Variants in TRPC6 observed in about 807,000 individuals in gnomAD.
The protein encoded by TRPC6 is transient receptor potential cation channel subfamily C member 6.
A neutral mutation model predicts 90.7 loss-of-function variants in TRPC6; 55 were observed. The ratio of observed to expected loss-of-function variants is 0.61; its 90% CI spans 0.49 to 0.76. The LOEUF (loss-of-function observed/expected upper bound fraction) is 0.76. Ranked by LOEUF, TRPC6 falls within the 30% of genes least tolerant of loss-of-function variation. TRPC6 has a pLI of 0.00. For missense variants in TRPC6, 989 were observed against 1,122.7 expected (o/e 0.88, Z 1.70); for synonymous variants, 393 against 393.0 (o/e 1.00, Z 0.00).
intron 10 of TRPC6, among the ~76,000 whole-genome samples, chr11:101,459,961 T>C (rs1858968001): frequency 6.6e-6 from 1 of 152,198 alleles, no homozygotes; most frequent in African/African-American, 2.4e-5. Flanking sequence ...ATTATTTCTG[T>C]TTTATAGATG....
intron 10 of TRPC6, among the ~76,000 whole-genome samples, chr11:101,467,555 C>T (rs1425257129): frequency 6.6e-6 from 1 of 152,190 alleles, no homozygotes; most frequent in Non-Finnish European, 1.5e-5. Context: ...AAGTACAACA[C>T]ACACAGGCAT....
intron 2 of TRPC6, among the ~76,000 whole-genome samples, chr11:101,496,341 T>C (rs770377873): frequency 1.8e-4 from 27 of 152,152 alleles, no homozygotes; most frequent in Non-Finnish European, 3.4e-4. Flanking sequence ...TGGGACCAAG[T>C]GTAACTCTGG....
intron 1 of TRPC6, among the ~76,000 whole-genome samples, chr11:101,563,596 T>C (rs1861763511): frequency 6.6e-6 from 1 of 152,176 alleles, no homozygotes; most frequent in Non-Finnish European, 1.5e-5. Flanking sequence ...GCCTAATAGG[T>C]ACTCACCATA....
chr11:101,558,234 T>TGTATACATGTATACATGTATAC (rs1861612121), intron 1 of TRPC6, among the ~76,000 whole-genome samples: 3 of 79,054 alleles, frequency 3.8e-5, no homozygotes, highest in Non-Finnish European at 5.4e-5. Flanking sequence ...TACATGTATA[T>TGTATACATGTATACATGTATAC]GGGTATACAT....
chr11:101,518,831 T>A (rs1035756650), intron 1 of TRPC6, among the ~76,000 whole-genome samples: 1 of 152,182 alleles, frequency 6.6e-6, no homozygotes, highest in African/African-American at 2.4e-5. Context: ...AATGTGGTAC[T>A]TATACGCAAT....
rs547108236 is a variant in TRPC6 at position 101,551,360 on chromosome 11, G to A, written c.170+31974C>T. Among the ~76,000 whole-genome samples, 8 of 151,994 alleles carry A rather than the reference G, an allele frequency of 5.3e-5. No homozygotes were observed. In the South Asian group the frequency reaches 1.5e-3, roughly 28 times the overall value. The stretch of plus-strand genomic sequence containing the variant: ...TGGCCAATCTGGAGTGACAATCTTA[G>A]TAACAAAATATTTTTATAAACTGTT... On this transcript the variant is annotated intron_variant, in intron 1 of 12. Transcript: ENST00000344327.
At chr11:101,530,073 C>G (rs867654425) in intron 1 of TRPC6, among the ~76,000 whole-genome samples, 1 of 152,146 alleles carries the variant, frequency 6.6e-6, no homozygotes, top group Admixed American at 6.5e-5. Flanking sequence ...CTGAAGTACC[C>G]CTGTAACTCA....
At chr11:101,510,186 C>A (rs10750606) in intron 1 of TRPC6, among the ~76,000 whole-genome samples, 74,474 of 151,922 alleles carry the variant, frequency 0.49, 18,676 homozygotes, top group African/African-American at 0.55. Context: ...GTGTTGCTTA[C>A]TCCCTGCCTC....
chr11:101,529,438 G>T (rs1330966219), intron 1 of TRPC6, among the ~76,000 whole-genome samples: 1 of 152,222 alleles, frequency 6.6e-6, no homozygotes, highest in African/African-American at 2.4e-5. Flanking sequence ...GCACGAGCGT[G>T]CACTGAGTGA....
rs77835679 is a variant in TRPC6 at position 101,524,599 on chromosome 11, G to A, written c.171-19801C>T. Among the ~76,000 whole-genome samples the A allele has an allele frequency of 7.0e-3, 1,068 of 152,262 alleles. 19 individuals carry two copies. Among genetic ancestry groups the A allele is most frequent in the African/African-American group, 0.024 (998 of 41,548 alleles). On this transcript the variant is annotated intron_variant, in intron 1 of 12. Coordinates refer to ENST00000344327, the MANE Select transcript of TRPC6 (RefSeq NM_004621.6). ...TTTAAATCACAAATGTAATTCTACCGTTAAATATAATTCTACCATGCTGCA... is the reference window on the plus strand; with the variant it reads ...TTTAAATCACAAATGTAATTCTACCATTAAATATAATTCTACCATGCTGCA...
chr11:101,521,718 T>C (rs1860664979), intron 1 of TRPC6, among the ~76,000 whole-genome samples: 1 of 152,222 alleles, frequency 6.6e-6, no homozygotes, highest in Non-Finnish European at 1.5e-5. Flanking sequence ...TGCTGAGCCA[T>C]AGGGGCAAAG....
At chr11:101,527,858 G>A (rs1381782332) in intron 1 of TRPC6, among the ~76,000 whole-genome samples, 1 of 152,060 alleles carries the variant, frequency 6.6e-6, no homozygotes, top group Non-Finnish European at 1.5e-5. Flanking sequence ...CGAATCATGA[G>A]GTCAGGAGTT....
chr11:101,527,701 A>C (rs1860809219), intron 1 of TRPC6, among the ~76,000 whole-genome samples: 1 of 152,206 alleles, frequency 6.6e-6, no homozygotes, highest in South Asian at 2.1e-4. Context: ...TAAAGCAACT[A>C]AATAATTGAT....
intron 1 of TRPC6, 64 bp downstream of exon 1, chr11:101,583,270 T>C: frequency 1.3e-6 from 2 of 1,522,146 alleles, no homozygotes; most frequent in South Asian, 1.2e-5. Context: ...CGGCCACTCC[T>C]GCGAGCGCAC....
intron 1 of TRPC6, among the ~76,000 whole-genome samples, chr11:101,535,865 A>G (rs751769902): frequency 1.6e-4 from 25 of 152,258 alleles, no homozygotes; most frequent in Non-Finnish European, 3.2e-4. Context: ...AATAAAATAG[A>G]TGACATCATG....
At chr11:101,522,326 CCTT>C (rs1860681274) in intron 1 of TRPC6, among the ~76,000 whole-genome samples, 1 of 152,308 alleles carries the variant, frequency 6.6e-6, no homozygotes, top group East Asian at 1.9e-4. Flanking sequence ...CTCTCTTCCT[CCTT>C]CTCTGGTCAT....
intron 1 of TRPC6, among the ~76,000 whole-genome samples, chr11:101,572,482 A>G (rs896303697): frequency 2.0e-5 from 3 of 152,202 alleles, no homozygotes; most frequent in African/African-American, 7.2e-5. Flanking sequence ...TAGAAATACC[A>G]TTTGACCCAG....
rs1324291969 is a variant in TRPC6 at position 101,499,962 on chromosome 11, T to C, written c.945+4062A>G. Among the ~76,000 whole-genome samples the C allele has an allele frequency of 1.9e-5, 2 of 102,686 alleles. 1 individual carries two copies. Among genetic ancestry groups the C allele is most frequent in the Non-Finnish European group, 4.0e-5 (2 of 50,406 alleles). The allele number at this position is 102,686 out of a possible 152,430, so 67.4% of individuals were successfully genotyped here. On this transcript the variant is annotated intron_variant, in intron 2 of 12. Transcript: ENST00000344327. ...ACACAGTATAAAATGTGTATATATA[T>C]ACACAGTATAAAATGTGTATATATG...
intron 1 of TRPC6, among the ~76,000 whole-genome samples, chr11:101,567,091 T>C (rs559101333): frequency 1.2e-4 from 19 of 152,034 alleles, no homozygotes; most frequent in Non-Finnish European, 2.1e-4. Flanking sequence ...CCAACCCCCA[T>C]GGATCCCAGC....
Sources: allele counts gnomAD v4.1 joint callset (sites outside exome capture counted in the v4.1 genomes callset), GRCh38; gene constraint gnomAD v4.1.1; transcripts MANE v1.5; gene names NCBI Gene and HGNC (gene_info 2026-07-23, HGNC 2026-07-21).